The following AKR1C8 variants were observed in gnomAD, a reference collection of about 807,000 sequenced individuals.
The protein encoded by AKR1C8 is aldo-keto reductase family 1 member C-like protein 1.
the AKR1C8 span, chr10:5,132,460 T>C: frequency 2.8e-6 from 2 of 715,372 alleles, no homozygotes; most frequent in South Asian, 1.1e-4. Flanking sequence ...GCCTTTTATT[T>C]TAGTTTTAAT....
the AKR1C8 span, among the ~76,000 whole-genome samples, chr10:5,116,656 C>T: frequency 1.3e-5 from 2 of 152,332 alleles, no homozygotes; most frequent in East Asian, 3.9e-4. Context: ...TATAATCACA[C>T]ATCTGGTCAT....
the AKR1C8 span, among the ~76,000 whole-genome samples, chr10:5,163,628 A>G: frequency 6.6e-6 from 1 of 152,182 alleles, no homozygotes; most frequent in Non-Finnish European, 1.5e-5. Flanking sequence ...AAGATAAAAA[A>G]GTTAGTAAGT....
chr10:5,121,191 C>T, the AKR1C8 span, among the ~76,000 whole-genome samples: 2 of 152,124 alleles, frequency 1.3e-5, no homozygotes, highest in African/African-American at 2.4e-5. Flanking sequence ...TTTGATTCCT[C>T]TTCTTTCTCC....
the AKR1C8 span, among the ~76,000 whole-genome samples, chr10:5,166,942 G>GA: frequency 0.45 from 66,531 of 148,066 alleles, 15,582 homozygotes; most frequent in Non-Finnish European, 0.53. Context: ...AAATTTACAA[G>GA]AAAAAAAAAA....
At chr10:5,129,137 C>A in the AKR1C8 span, among the ~76,000 whole-genome samples, 1 of 152,024 alleles carries the variant, frequency 6.6e-6, no homozygotes. Flanking sequence ...ACCCTCAAAA[C>A]TATACAAATA....
chr10:5,139,150 A>G, the AKR1C8 span, among the ~76,000 whole-genome samples: 16 of 152,206 alleles, frequency 1.1e-4, no homozygotes, highest in Non-Finnish European at 2.4e-4. Flanking sequence ...TCAATGAAAT[A>G]AAAGAGGACA....
At chr10:5,161,824 CT>C in the AKR1C8 span, 3 of 534,666 alleles carry the variant, frequency 5.6e-6, no homozygotes, top group South Asian at 4.2e-5. Context: ...ATGAAACAGT[CT>C]TGGGCATAAC....
the AKR1C8 span, among the ~76,000 whole-genome samples, chr10:5,140,450 T>G: frequency 6.6e-6 from 1 of 152,200 alleles, no homozygotes; most frequent in Admixed American, 6.5e-5. Context: ...ATATACACCA[T>G]GGAATACTAT....
At chr10:5,155,535 G>A in the AKR1C8 span, 2 of 310,560 alleles carry the variant, frequency 6.4e-6, no homozygotes, top group East Asian at 2.0e-4. Flanking sequence ...GAAACCTCTG[G>A]TCTGAAGGCT....
the AKR1C8 span, among the ~76,000 whole-genome samples, chr10:5,138,981 G>C: frequency 6.6e-6 from 1 of 152,100 alleles, no homozygotes; most frequent in South Asian, 2.1e-4. Flanking sequence ...CAAAATCAAT[G>C]AGCAAAAATC....
At chr10:5,153,738 G>A in the AKR1C8 span, among the ~76,000 whole-genome samples, 4 of 152,050 alleles carry the variant, frequency 2.6e-5, no homozygotes, top group African/African-American at 9.7e-5. Flanking sequence ...AACAGCAAGG[G>A]TAAAGACCGC....
the AKR1C8 span, among the ~76,000 whole-genome samples, chr10:5,134,537 A>C: frequency 6.6e-6 from 1 of 152,196 alleles, no homozygotes. Context: ...AAAATCTAAA[A>C]TTTCTCCTTC....
At chr10:5,123,696 T>C in the AKR1C8 span, 2 of 1,592,438 alleles carry the variant, frequency 1.3e-6, no homozygotes, top group Non-Finnish European at 1.7e-6. Context: ...GTAAACTTCC[T>C]GATGCTCTTA....
chr10:5,170,706 C>T, the AKR1C8 span, among the ~76,000 whole-genome samples: 3 of 152,070 alleles, frequency 2.0e-5, no homozygotes, highest in African/African-American at 2.4e-5. Flanking sequence ...TTTCCAAGGG[C>T]TTTATTGGCT....
chr10:5,173,542 T>A, the AKR1C8 span, among the ~76,000 whole-genome samples: 1 of 151,738 alleles, frequency 6.6e-6, no homozygotes, highest in Admixed American at 6.6e-5. Flanking sequence ...CTAGAAAACC[T>A]GAACATAACT....
At chr10:5,120,273 G>C in the AKR1C8 span, among the ~76,000 whole-genome samples, 1 of 152,078 alleles carries the variant, frequency 6.6e-6, no homozygotes, top group African/African-American at 2.4e-5. Flanking sequence ...ATAAATATGT[G>C]GGTAAGACTC....
chr10:5,141,451 G>T, the AKR1C8 span, among the ~76,000 whole-genome samples: 1 of 152,160 alleles, frequency 6.6e-6, no homozygotes, highest in South Asian at 2.1e-4. Context: ...TTTCATGATG[G>T]CATTCAGAAT....
the AKR1C8 span, among the ~76,000 whole-genome samples, chr10:5,156,919 T>C: frequency 6.6e-6 from 1 of 152,226 alleles, no homozygotes; most frequent in African/African-American, 2.4e-5. Flanking sequence ...TTCAAAATTC[T>C]TGTGGGATTC....
chr10:5,120,391 C>A, the AKR1C8 span, among the ~76,000 whole-genome samples: 19 of 151,978 alleles, frequency 1.3e-4, 1 homozygote, highest in African/African-American at 4.1e-4. Flanking sequence ...AGGGTCTCCA[C>A]GATCAAGCTG....
Sources: gnomAD v4.1 joint callset for allele counts (sites outside exome capture counted in the v4.1 genomes callset) on GRCh38, gnomAD v4.1.1 for gene constraint, MANE v1.5 for transcripts, NCBI Gene and HGNC (gene_info 2026-07-23, HGNC 2026-07-21) for gene names.